ABCA8: variants seen among roughly 807,000 people sequenced by gnomAD.
ABCA8 encodes the protein ABC-type organic anion transporter ABCA8.
Under a neutral mutation model 192.3 loss-of-function variants are expected in ABCA8, and 177 were observed. The observed-to-expected ratio is 0.92, with a 90% CI of 0.81 to 1.04. The LOEUF (loss-of-function observed/expected upper bound fraction) is 1.04, where lower values mean the gene tolerates loss of function less well. ABCA8 is among the 50% of genes least tolerant of loss of function. ABCA8 has a pLI of 0.00. For missense variants in ABCA8, 1,915 were observed against 1,904.8 expected (o/e 1.01, Z -0.10); for synonymous variants, 642 against 690.2 (o/e 0.93, Z 1.09).
At chr17:68,877,360 C>G (rs1312025300) in intron 33 of ABCA8, 159 bp downstream of exon 33, 7 of 620,578 alleles carry the variant, frequency 1.1e-5, no homozygotes, top group Non-Finnish European at 1.8e-5. Flanking sequence ...AAACTTAATA[C>G]TTTGATATCC....
At chr17:68,906,255 C>T (rs2067065055) in intron 18 of ABCA8, 92 bp from the exon 19 acceptor site, 1 of 974,002 alleles carries the variant, frequency 1.0e-6, no homozygotes, top group Non-Finnish European at 1.4e-6. Flanking sequence ...ATCTATGAAA[C>T]TATACTTGTG....
chr17:68,877,884 A>C, intron 32 of ABCA8: 1 of 453,498 alleles, frequency 2.2e-6, no homozygotes, highest in Non-Finnish European at 3.7e-6. Flanking sequence ...CAACAATCCA[A>C]TCTCAGCTGA....
rs372555017 is a variant in ABCA8, at chr17:68,906,181, A to G, written c.2279-18T>C. ...GTAAAGTTCTAAAGAATACATATAC[A>G]GCAGTGAATTAAAACAAGAATCACA... On this transcript the variant is annotated intron_variant, in intron 18 of 39. Coordinates refer to ENST00000586539, the MANE Select transcript of ABCA8 (RefSeq NM_001288985.2). 1 of 1,474,836 alleles carries G rather than the reference A, an allele frequency of 6.8e-7. No homozygotes were observed. Among genetic ancestry groups the G allele is most frequent in the Non-Finnish European group, 9.0e-7 (1 of 1,111,076 alleles). The allele number at this position is 1,474,836 out of a possible 1,614,324, so 91.4% of individuals were successfully genotyped here.
chr17:68,909,282 G>C (rs1458505918), intron 17 of ABCA8, among the ~76,000 whole-genome samples: 3 of 152,142 alleles, frequency 2.0e-5, no homozygotes, highest in African/African-American at 7.2e-5. Context: ...TAGGCTGTTA[G>C]AACTCTGTTG....
chr17:68,922,266 G>A lies in ABCA8; in HGVS notation c.1477C>T (p.Pro493Ser), dbSNP rs561976098. 40 of 878,638 alleles carry A rather than the reference G, an allele frequency of 4.6e-5. 1 individual carries two copies. The South Asian group carries it at 8.5e-4, about 19-fold the overall frequency. The allele number at this position is 878,638 out of a possible 1,614,324, so 54.4% of individuals were successfully genotyped here. A position where few individuals can be genotyped will look rare whatever the true frequency, so the allele number is the denominator to read the frequency against. Residue 493 changes from proline (P) to serine (S), a missense_variant, in exon 12 of 40, where the codon CCT (proline) becomes TCT (serine). Pro to Ser is a moderately conservative substitution (Grantham distance 74). Coordinates refer to ENST00000586539, the MANE Select transcript of ABCA8 (RefSeq NM_001288985.2). ...RNVTKEYKGKPDKIEALKDLV... is the reference protein window; with the variant it reads ...RNVTKEYKGKSDKIEALKDLV... The stretch of plus-strand genomic sequence containing the variant: ...CCTTTCAAGGCTTCTATTTTATCAG[G>A]CTTTCCTTTATATTCTTTTGTAACA...
At chr17:68,904,274 T>A (rs1042262670) in intron 19 of ABCA8, among the ~76,000 whole-genome samples, 1 of 126,310 alleles carries the variant, frequency 7.9e-6, no homozygotes, top group African/African-American at 3.4e-5. Context: ...AGAGCGAGAC[T>A]CCATCTCAAA....
intron 8 of ABCA8, 49 bp from the exon 9 acceptor site, chr17:68,929,283 C>A: frequency 1.4e-6 from 2 of 1,395,902 alleles, no homozygotes; most frequent in South Asian, 1.7e-5. Flanking sequence ...AACATTATTA[C>A]TAGCATAATA....
At chr17:68,937,189 G>A (rs184930808) in intron 4 of ABCA8, 74 bp from the exon 5 acceptor site, 7 of 1,246,016 alleles carry the variant, frequency 5.6e-6, no homozygotes, top group Admixed American at 5.4e-5. Context: ...ATGTTGAATT[G>A]CTTTTACTAG....
At chr17:68,917,312 C>G (rs2067397684) in intron 17 of ABCA8, 49 bp downstream of exon 17, 1 of 1,118,350 alleles carries the variant, frequency 8.9e-7, no homozygotes, top group Admixed American at 2.2e-5. Context: ...TTGCTTCAAG[C>G]ATCAAGCCTT....
At chr17:68,939,498 T>C (rs1435124167) in intron 4 of ABCA8, among the ~76,000 whole-genome samples, 2 of 152,160 alleles carry the variant, frequency 1.3e-5, no homozygotes, top group Admixed American at 6.5e-5. Flanking sequence ...TTCCTGTGGA[T>C]AAAATCCTTG....
chr17:68,952,891 G>T (rs1426182412), intron 1 of ABCA8, among the ~76,000 whole-genome samples: 2 of 152,200 alleles, frequency 1.3e-5, no homozygotes, highest in African/African-American at 4.8e-5. Flanking sequence ...TGATGTGATT[G>T]TTTCTGGGTA....
chr17:68,874,595 T>C (rs1299517473), intron 37 of ABCA8, among the ~76,000 whole-genome samples: 1 of 152,242 alleles, frequency 6.6e-6, no homozygotes, highest in East Asian at 1.9e-4. Context: ...ATTATAGCAT[T>C]GCTTTTCCAT....
chr17:68,907,531 A>G (rs1285899119), intron 18 of ABCA8, among the ~76,000 whole-genome samples: 5 of 152,170 alleles, frequency 3.3e-5, no homozygotes, highest in African/African-American at 1.2e-4. Context: ...AGCCCTCTAA[A>G]ATGCCCAGGC....
At chr17:68,923,072 T>C (rs2067589016) in intron 11 of ABCA8, among the ~76,000 whole-genome samples, 1 of 152,180 alleles carries the variant, frequency 6.6e-6, no homozygotes, top group South Asian at 2.1e-4. Context: ...ATCTGCATGG[T>C]TTTATTCTAC....
At chr17:68,906,565 A>G (rs992200715) in intron 18 of ABCA8, among the ~76,000 whole-genome samples, 36 of 152,176 alleles carry the variant, frequency 2.4e-4, no homozygotes, top group Non-Finnish European at 4.6e-4. Flanking sequence ...ACAAAAGGAA[A>G]GGAATTAATT....
intron 18 of ABCA8, among the ~76,000 whole-genome samples, chr17:68,907,212 A>AAT (rs1403463050): frequency 2.0e-5 from 3 of 152,158 alleles, no homozygotes; most frequent in Non-Finnish European, 4.4e-5. Flanking sequence ...TGTGTATTTG[A>AAT]ATGAATGTAT....
chr17:68,922,194 C>CTTTTTTTTTTTT (rs201226205), intron 12 of ABCA8, 48 bp downstream of exon 12: 114 of 527,318 alleles, frequency 2.2e-4, no homozygotes, highest in Admixed American at 5.3e-4. Context: ...TTCTCTCTCT[C>CTTTTTTTTTTTT]TTTTTTTTTT....
chr17:68,954,033 T>C (rs1413353033), intron 1 of ABCA8, among the ~76,000 whole-genome samples: 6 of 152,074 alleles, frequency 3.9e-5, no homozygotes, highest in African/African-American at 9.7e-5. Context: ...ATTTCTTTTT[T>C]TTTTTTCGTT....
At chr17:68,949,150 T>C (rs144991628) in intron 2 of ABCA8, among the ~76,000 whole-genome samples, 162 bp downstream of exon 2, 1 of 152,312 alleles carries the variant, frequency 6.6e-6, no homozygotes, top group East Asian at 1.9e-4. Context: ...TGTAGCCTCC[T>C]AGTGTTGTTT....
Sources: gnomAD v4.1 joint callset for allele counts (sites outside exome capture counted in the v4.1 genomes callset) on GRCh38, gnomAD v4.1.1 for gene constraint, MANE v1.5 for transcripts, NCBI Gene and HGNC (gene_info 2026-07-23, HGNC 2026-07-21) for gene names.